The following KLC1 variants were observed in gnomAD, a reference collection of about 807,000 sequenced individuals.
KLC1 encodes the protein kinesin 2 60/70kDa.
KLC1 carries 30 observed loss-of-function variants against 84.2 expected under a neutral mutation model. The ratio of observed to expected loss-of-function variants is 0.36; its 90% CI spans 0.27 to 0.48. The LOEUF is 0.48. Ranked by LOEUF, KLC1 falls within the 20% of genes least tolerant of loss-of-function variation. The probability of loss-of-function intolerance (pLI) is 0.99; values close to 1 mark genes in which losing one functional copy is unlikely to be tolerated. For synonymous variants in KLC1, 289 were observed against 293.3 expected, an observed-to-expected ratio of 0.99 and a Z score of 0.15; for missense variants, 499 against 805.4, an observed-to-expected ratio of 0.62 and a Z score of 4.60.
intron 6 of KLC1, 77 bp downstream of exon 6, chr14:103,669,675 A>G (rs2151659896): frequency 9.8e-7 from 1 of 1,022,426 alleles, no homozygotes; most frequent in South Asian, 1.3e-5. Context: ...TCATTTTACC[A>G]TTAAACTCAA....
At chr14:103,650,014 C>T (rs2078295395) in intron 1 of KLC1, among the ~76,000 whole-genome samples, 1 of 152,074 alleles carries the variant, frequency 6.6e-6, no homozygotes, top group Non-Finnish European at 1.5e-5. Flanking sequence ...GTTTTGGGAG[C>T]TTAATTCAGA....
chr14:103,631,142 G>A (rs1167810849), intron 1 of KLC1, among the ~76,000 whole-genome samples: 8 of 151,548 alleles, frequency 5.3e-5, no homozygotes, highest in African/African-American at 1.7e-4. Context: ...GTGTAGTGGC[G>A]CGATCTCGGC....
At chr14:103,676,209 G>C (rs758065878) in intron 11 of KLC1, among the ~76,000 whole-genome samples, 6 of 152,226 alleles carry the variant, frequency 3.9e-5, no homozygotes, top group Admixed American at 2.0e-4. Flanking sequence ...TGTGCAGACT[G>C]CCCTCTGTGA....
intron 14 of KLC1, among the ~76,000 whole-genome samples, chr14:103,689,695 C>T (rs1369366003): frequency 3.3e-5 from 5 of 152,118 alleles, no homozygotes; most frequent in African/African-American, 7.2e-5. Flanking sequence ...TTTTGAGAAT[C>T]GCTCAAGGAC....
chr14:103,647,758 TCTAGCTACTTGGGAGG>T (rs1434030993), intron 1 of KLC1, among the ~76,000 whole-genome samples: 1 of 151,202 alleles, frequency 6.6e-6, no homozygotes, highest in African/African-American at 2.4e-5. Context: ...TTCCTGTAGT[TCTAGCTACTTGGGAGG>T]CTGAGGCAGG....
rs1046257024 is a variant in KLC1 at position 103,662,096 on chromosome 14, G to T, written c.493-20G>T. On this transcript the variant is annotated intron_variant, in intron 3 of 16. Coordinates refer to ENST00000334553, the MANE Select transcript of KLC1 (RefSeq NM_001394837.1). ...TATAGCACGTGTAAGATGAAGTGTT[G>T]TCCTGGGTCTGTTTTATAGGAGGAC... The T allele has an allele frequency of 6.3e-7, 1 of 1,582,680 alleles. No individual in the cohort carries two copies. Among genetic ancestry groups the T allele is most frequent in the Non-Finnish European group, 8.7e-7 (1 of 1,151,484 alleles).
chr14:103,651,516 C>T (rs2078440961), intron 1 of KLC1, among the ~76,000 whole-genome samples: 1 of 152,106 alleles, frequency 6.6e-6, no homozygotes, highest in Non-Finnish European at 1.5e-5. Flanking sequence ...TATAAGCTGT[C>T]TTTGGTTATA....
Position 103,673,203 on chromosome 14 carries a change from A to G in KLC1, c.1161+16A>G. 6.2e-7 allele frequency: 1 copy of G among 1,601,102 alleles called. No individual in the cohort carries two copies. Among genetic ancestry groups the G allele is most frequent in the South Asian group, 1.1e-5 (1 of 88,696 alleles). On this transcript the variant is annotated intron_variant, in intron 8 of 16. Coordinates refer to ENST00000334553, the MANE Select transcript of KLC1 (RefSeq NM_001394837.1). The stretch of plus-strand genomic sequence containing the variant: ...AAATAACCTGGTGTGTTGACTGCAC[A>G]GCACTAGGGAGGGGGCCAGGAGTGC...
intron 1 of KLC1, among the ~76,000 whole-genome samples, chr14:103,646,284 G>T (rs142659932): frequency 8.5e-5 from 13 of 152,270 alleles, no homozygotes; most frequent in Admixed American, 1.3e-4. Context: ...CGAATTAAAA[G>T]GACAGTTTTA....
At chr14:103,638,622 C>G (rs1228767185) in intron 1 of KLC1, among the ~76,000 whole-genome samples, 3 of 150,600 alleles carry the variant, frequency 2.0e-5, no homozygotes, top group Non-Finnish European at 4.4e-5. Flanking sequence ...AGATGATGCC[C>G]TTTGCTTCTC....
intron 1 of KLC1, among the ~76,000 whole-genome samples, chr14:103,649,781 C>T (rs561504609): frequency 2.4e-4 from 37 of 151,316 alleles, no homozygotes; most frequent in Non-Finnish European, 4.3e-4. Context: ...CTGCAAGCTT[C>T]GTCTCCCGGG....
intron 1 of KLC1, among the ~76,000 whole-genome samples, chr14:103,650,650 C>T (rs910225119): frequency 1.3e-5 from 2 of 149,734 alleles, no homozygotes; most frequent in Admixed American, 6.8e-5. Flanking sequence ...GCGATCTCAG[C>T]TCACTGCAAC....
chr14:103,661,506 G>A (rs1286988019), intron 3 of KLC1, among the ~76,000 whole-genome samples: 3 of 152,114 alleles, frequency 2.0e-5, no homozygotes, highest in Non-Finnish European at 4.4e-5. Context: ...TTTCCCTTCC[G>A]GAGCCAAACA....
chr14:103,655,790 A>G (rs1595374333), intron 2 of KLC1, among the ~76,000 whole-genome samples: 1 of 152,258 alleles, frequency 6.6e-6, no homozygotes, highest in East Asian at 1.9e-4. Context: ...TTGTATTTTT[A>G]GTAGAAACTA....
chr14:103,642,378 A>G (rs2151360124), intron 1 of KLC1, among the ~76,000 whole-genome samples: 2 of 152,284 alleles, frequency 1.3e-5, no homozygotes, highest in Middle Eastern at 6.8e-3. Flanking sequence ...CATTGATTCC[A>G]TTGCAATAAC....
intron 1 of KLC1, among the ~76,000 whole-genome samples, chr14:103,640,301 C>T (rs946753597): frequency 3.9e-5 from 6 of 152,018 alleles, no homozygotes; most frequent in South Asian, 2.1e-4. Context: ...TTCAGGTGAT[C>T]GACCCACCTT....
intron 13 of KLC1, chr14:103,679,901 G>A: frequency 5.0e-6 from 1 of 198,708 alleles, no homozygotes; most frequent in Non-Finnish European, 1.0e-5. Flanking sequence ...GCTAACTCCA[G>A]TGCTCCTAAC....
chr14:103,694,830 T>G lies in KLC1; in HGVS notation c.1848+2405T>G. 1 of 985,490 alleles carries G rather than the reference T, an allele frequency of 1.0e-6. No individual in the cohort carries two copies. Among genetic ancestry groups the G allele is most frequent in the African/African-American group, 1.7e-5 (1 of 57,374 alleles). 61.0% of individuals were successfully genotyped at this position (985,490 alleles called of 1,614,324 possible). On this transcript the variant is annotated intron_variant, in intron 15 of 16. Coordinates refer to ENST00000334553, the MANE Select transcript of KLC1 (RefSeq NM_001394837.1). This position sits in a 1 kb window ranked among gnomAD's most constrained non-coding sequence, Gnocchi z 4.5. ...GCTGGGGACAGAGTGTCCTGAGGTTTTGTTACAAGGCTAGACTTTAAAATA... is the reference window on the plus strand; with the variant it reads ...GCTGGGGACAGAGTGTCCTGAGGTTGTGTTACAAGGCTAGACTTTAAAATA...
chr14:103,634,843 A>G (rs1157713719), intron 1 of KLC1, among the ~76,000 whole-genome samples: 1 of 152,058 alleles, frequency 6.6e-6, no homozygotes, highest in African/African-American at 2.4e-5. Context: ...GGCCTCCCAA[A>G]GTGTCGGGAT....
Sources: gnomAD v4.1 joint callset for allele counts (sites outside exome capture counted in the v4.1 genomes callset) on GRCh38, gnomAD v4.1.1 for gene constraint, Gnocchi (gnomAD v3.1) non-coding constraint, MANE v1.5 for transcripts, NCBI Gene and HGNC (gene_info 2026-07-23, HGNC 2026-07-21) for gene names.